Variants in EDARADD observed in about 807,000 individuals in gnomAD.
EDARADD encodes ectodysplasin-A receptor-associated adapter protein.
EDARADD carries 20 observed loss-of-function variants against 25.6 expected under a neutral mutation model. That is an observed-to-expected ratio of 0.78 (90% CI 0.55 to 1.14). The LOEUF is 1.14. Among genes scored for constraint, EDARADD ranks in the 50% most tolerant of loss-of-function variants. The pLI is 0.00. For missense variants in EDARADD, 225 were observed against 270.1 expected, an observed-to-expected ratio of 0.83 and a Z score of 1.17; for synonymous variants, 86 against 94.4, an observed-to-expected ratio of 0.91 and a Z score of 0.52.
At chr1:236,412,078 C>G (rs1657506633) in intron 2 of EDARADD, among the ~76,000 whole-genome samples, 1 of 152,164 alleles carries the variant, frequency 6.6e-6, no homozygotes, top group Non-Finnish European at 1.5e-5. Context: ...ATGAGGTCCT[C>G]CATGGCCTTA....
At chr1:236,453,705 C>A (rs1015017171) in intron 4 of EDARADD, among the ~76,000 whole-genome samples, 1 of 152,156 alleles carries the variant, frequency 6.6e-6, no homozygotes, top group Non-Finnish European at 1.5e-5. Context: ...GAGCAATAGG[C>A]TTTACCACCC....
intron 3 of EDARADD, among the ~76,000 whole-genome samples, chr1:236,420,660 A>G (rs1657759526): frequency 1.3e-5 from 2 of 152,216 alleles, no homozygotes; most frequent in African/African-American, 2.4e-5. Context: ...GACAAGTATA[A>G]TCCCACTCTC....
chr1:236,361,134 T>C (rs1309443302), intron 3 of EDARADD, among the ~76,000 whole-genome samples: 1 of 152,172 alleles, frequency 6.6e-6, no homozygotes, highest in Non-Finnish European at 1.5e-5. Context: ...AATGTTCATG[T>C]ATGTGTACAT....
At chr1:236,409,367 G>A in intron 2 of EDARADD, 93 bp downstream of exon 2, 6 of 1,000,522 alleles carry the variant, frequency 6.0e-6, no homozygotes, top group Non-Finnish European at 9.3e-6. Context: ...GTATTTACAT[G>A]TGCATCAGAA....
chr1:236,458,990 C>A (rs1053464682), intron 4 of EDARADD, among the ~76,000 whole-genome samples: 1 of 152,056 alleles, frequency 6.6e-6, no homozygotes, highest in African/African-American at 2.4e-5. Context: ...TCATCCAAAA[C>A]TTTAGATGGT....
chr1:236,457,446 C>T lies in EDARADD; in HGVS notation c.220-10785C>T, dbSNP rs185891914. Among the ~76,000 whole-genome samples, 367 of 151,800 alleles carry T rather than the reference C, an allele frequency of 2.4e-3. 3 individuals are homozygous for T. The highest frequency in any genetic ancestry group is 8.5e-3 in the African/African-American group (351 of 41,382). ...GGGAGGATGGCTTGAGCTCTGGAGG[C>T]GGAGGTCATAGTGAGCCAAGATCGT... On this transcript the variant is annotated intron_variant, in intron 4 of 5. Transcript: ENST00000334232.
At chr1:236,433,366 C>T (rs575001301) in intron 4 of EDARADD, among the ~76,000 whole-genome samples, 2 of 152,036 alleles carry the variant, frequency 1.3e-5, no homozygotes, top group Non-Finnish European at 2.9e-5. Context: ...TGAGATCAGC[C>T]TGGCCAACAT....
intron 2 of EDARADD, among the ~76,000 whole-genome samples, chr1:236,412,401 T>C (rs1048167481): frequency 6.6e-6 from 1 of 152,168 alleles, no homozygotes; most frequent in Non-Finnish European, 1.5e-5. Flanking sequence ...GTGTTGACCA[T>C]CTTCCCTCAT....
chr1:236,445,090 A>G (rs949125557), intron 4 of EDARADD, among the ~76,000 whole-genome samples: 1 of 152,122 alleles, frequency 6.6e-6, no homozygotes, highest in Non-Finnish European at 1.5e-5. Context: ...CCACTCTGCC[A>G]TAATCATTTA....
chr1:236,409,172 TA>T, intron 1 of EDARADD, 43 bp from the exon 2 acceptor site: 1 of 1,518,802 alleles, frequency 6.6e-7, no homozygotes, highest in Non-Finnish European at 9.1e-7. Flanking sequence ...GGTTTTAAAT[TA>T]AAGCAAACCC....
At chr1:236,365,384 C>T (rs1296431574) in intron 3 of EDARADD, among the ~76,000 whole-genome samples, 4 of 152,198 alleles carry the variant, frequency 2.6e-5, no homozygotes, top group Non-Finnish European at 5.9e-5. Context: ...TGATCTCAAA[C>T]TCCTAGGCTT....
chr1:236,405,809 T>TTCCTTCCTTCCC, intron 1 of EDARADD, among the ~76,000 whole-genome samples: 1 of 129,554 alleles, frequency 7.7e-6, no homozygotes, highest in African/African-American at 2.9e-5. Flanking sequence ...TCTTTCTTTC[T>TTCCTTCCTTCCC]TTCCTTCCTT....
chr1:236,379,257 C>A (rs1235799861), intron 3 of EDARADD, among the ~76,000 whole-genome samples: 1 of 151,984 alleles, frequency 6.6e-6, no homozygotes, highest in African/African-American at 2.4e-5. Context: ...GTAATCCCAG[C>A]TACTTGGGAG....
intron 3 of EDARADD, among the ~76,000 whole-genome samples, chr1:236,355,579 G>C (rs1336530476): frequency 7.4e-6 from 1 of 134,540 alleles, no homozygotes; most frequent in Non-Finnish European, 1.5e-5. Context: ...GCACGATCTC[G>C]GCTCACTGCA....
intron 3 of EDARADD, among the ~76,000 whole-genome samples, chr1:236,363,006 A>AAAAAAAAAAAAAAAAT (rs1377112051): frequency 4.7e-5 from 2 of 42,950 alleles, no homozygotes; most frequent in African/African-American, 1.1e-4. Flanking sequence ...AAAAAAAAAA[A>AAAAAAAAAAAAAAAAT]ATATATATAT....
chr1:236,483,390 G>T lies in EDARADD; in HGVS notation c.*741G>T. The T allele has an allele frequency of 7.4e-7, 1 of 1,343,274 alleles. No individual in the cohort carries two copies. The allele number at this position is 1,343,274 out of a possible 1,614,324, so 83.2% of individuals were successfully genotyped here. On this transcript the variant is annotated 3_prime_UTR_variant, in exon 6 of 6. Coordinates refer to ENST00000334232, the MANE Select transcript of EDARADD (RefSeq NM_145861.4). ...GCCCATCAATAAAACTATTGCACCT[G>T]TCCTGGTTAGCAAGAAACTGAACGT...
chr1:236,450,575 G>A (rs191456249), intron 4 of EDARADD, among the ~76,000 whole-genome samples: 1 of 111,818 alleles, frequency 8.9e-6, no homozygotes, highest in African/African-American at 3.6e-5. Context: ...TTGAGACAGA[G>A]TCTTGCTCTG....
chr1:236,429,619 A>G (rs1658043497), intron 4 of EDARADD, among the ~76,000 whole-genome samples: 1 of 151,502 alleles, frequency 6.6e-6, no homozygotes, highest in Non-Finnish European at 1.5e-5. Flanking sequence ...TCTTGGCCTC[A>G]AGTGATCTGT....
intron 3 of EDARADD, among the ~76,000 whole-genome samples, chr1:236,362,720 T>C (rs529620141): frequency 2.6e-5 from 4 of 152,194 alleles, no homozygotes; most frequent in Admixed American, 2.0e-4. Context: ...TTAATTTTTG[T>C]ATATTGTGAA....
Sources: gnomAD v4.1 joint callset for allele counts (sites outside exome capture counted in the v4.1 genomes callset) on GRCh38, gnomAD v4.1.1 for gene constraint, MANE v1.5 for transcripts, NCBI Gene and HGNC (gene_info 2026-07-23, HGNC 2026-07-21) for gene names.